Variants in RSPH14 observed in about 807,000 individuals in gnomAD.
The protein encoded by RSPH14 is radial spoke head 14 homolog.
Under a neutral mutation model 26.7 loss-of-function variants are expected in RSPH14, and 20 were observed. That is an observed-to-expected ratio of 0.75 (90% CI 0.53 to 1.09). The LOEUF (loss-of-function observed/expected upper bound fraction) is 1.09, where lower values mean the gene tolerates loss of function less well. Ranked by LOEUF, RSPH14 falls within the 50% of genes least tolerant of loss-of-function variation. RSPH14 has a pLI of 0.00. For synonymous variants in RSPH14, 177 were observed against 189.3 expected (o/e 0.93, Z 0.53); for missense variants, 449 against 457.2 (o/e 0.98, Z 0.16).
rs763721087 is a variant in RSPH14, at chr22:23,059,430, C to A, written c.*32G>T. 7.1e-6 allele frequency: 11 copies of A among 1,556,956 alleles called. No homozygotes were observed. Among genetic ancestry groups the A allele is most frequent in the Non-Finnish European group, 9.6e-6 (11 of 1,147,214 alleles). On this transcript the variant is annotated 3_prime_UTR_variant, in exon 7 of 7. Coordinates refer to ENST00000216036, the MANE Select transcript of RSPH14 (RefSeq NM_014433.3). ...GGACCCGAGATAAAGAGACTTAGCA[C>A]ATTTATTCACTCACAGAGGTGAATG...
chr22:23,167,661 G>A, the RSPH14 span, among the ~76,000 whole-genome samples: 10 of 152,180 alleles, frequency 6.6e-5, no homozygotes, highest in Admixed American at 2.0e-4. Flanking sequence ...ACAGAGGATC[G>A]GTTAAATTGA....
chr22:23,121,578 C>T (rs374283495), intron 4 of RSPH14, among the ~76,000 whole-genome samples: 13 of 152,160 alleles, frequency 8.5e-5, no homozygotes, highest in Non-Finnish European at 1.5e-4. Flanking sequence ...ACTGGCAGCT[C>T]GTGTCCAGCT....
At chr22:23,065,062 C>A (rs1296066841) in intron 4 of RSPH14, among the ~76,000 whole-genome samples, 2 of 152,196 alleles carry the variant, frequency 1.3e-5, no homozygotes, top group African/African-American at 2.4e-5. Context: ...CATCTACAGC[C>A]CCCAGGGAGG....
At chr22:23,118,735 G>C (rs1290367816) in intron 4 of RSPH14, among the ~76,000 whole-genome samples, 1 of 152,212 alleles carries the variant, frequency 6.6e-6, no homozygotes, top group Non-Finnish European at 1.5e-5. Flanking sequence ...GGACAAGGGG[G>C]TGATGCACTA....
At chr22:23,131,526 G>A (rs2070359646) in intron 4 of RSPH14, 1 of 917,174 alleles carries the variant, frequency 1.1e-6, no homozygotes, top group Non-Finnish European at 1.5e-6. Flanking sequence ...GCTGGCTGGT[G>A]GTATCCAATG....
chr22:23,064,007 G>C lies in RSPH14; in HGVS notation c.548C>G (p.Ala183Gly), dbSNP rs1260802855. ...DTLVLCLQED[A>G]TEALGSNVVL... ...CACATTGCTGCCCAGGGCCTCGGTG[G>C]CATCCTCCTGCAGGCAGAGGACCAG... The change falls in exon 5 of 7, where the codon GCC (alanine) becomes GGC (glycine). Residue 183 changes from alanine to glycine, a missense_variant. Coordinates refer to ENST00000216036, the MANE Select transcript of RSPH14 (RefSeq NM_014433.3). 3.7e-6 allele frequency: 6 copies of C among 1,614,074 alleles called. No individual in the cohort carries two copies. Among genetic ancestry groups the C allele is most frequent in the Non-Finnish European group, 5.1e-6 (6 of 1,180,020 alleles).
chr22:23,133,726 A>G (rs1188653815), intron 4 of RSPH14, among the ~76,000 whole-genome samples: 1 of 152,076 alleles, frequency 6.6e-6, no homozygotes, highest in Non-Finnish European at 1.5e-5. Flanking sequence ...AGTAGCTGGG[A>G]TTACAGGTGC....
rs577436146 is a variant in RSPH14, at chr22:23,141,943, C to A, written c.-53+6G>T. 2 of 985,330 alleles carry A rather than the reference C, an allele frequency of 2.0e-6. No individual in the cohort carries two copies. The highest frequency in any genetic ancestry group is 2.4e-6 in the Non-Finnish European group (2 of 829,778). The allele number at this position is 985,330 out of a possible 1,614,324, so 61.0% of individuals were successfully genotyped here. ...CCGGGCCCCTAGCCCACCACCGCCG[C>A]CTCACCTGCCTCCGCAGCCCTTTCT... is the stretch of plus-strand genomic sequence containing the variant. On this transcript the variant is annotated splice_donor_region_variant and intron_variant, in intron 1 of 6. Coordinates refer to ENST00000216036, the MANE Select transcript of RSPH14 (RefSeq NM_014433.3).
At chr22:23,106,175 A>C (rs1435549528) in intron 4 of RSPH14, among the ~76,000 whole-genome samples, 1 of 152,234 alleles carries the variant, frequency 6.6e-6, no homozygotes, top group Non-Finnish European at 1.5e-5. Context: ...ACCCTTGGGA[A>C]TACAGAGGCT....
At position 23,117,228 on chromosome 22, in the gene RSPH14, T is replaced by C. The variant is rs144576197; in HGVS notation, c.421+16798A>G. ...ACAGAGGGACCGGCTGTAAGGAGAC[T>C]GGCCTGATGGGGAATGAGAGGGGCT... On this transcript the variant is annotated intron_variant, in intron 4 of 6. Coordinates refer to ENST00000216036, the MANE Select transcript of RSPH14 (RefSeq NM_014433.3). 8.4e-4 allele frequency among the ~76,000 whole-genome samples: 107 copies of C among 127,550 alleles called. 3 individuals carry two copies. In the East Asian group the frequency reaches 0.021, roughly 25 times the overall value. The allele number at this position is 127,550 out of a possible 152,430, so 83.7% of individuals were successfully genotyped here. A position where few individuals can be genotyped will look rare whatever the true frequency, so the allele number is the denominator to read the frequency against.
chr22:23,162,545 C>G, the RSPH14 span: 16 of 435,352 alleles, frequency 3.7e-5, no homozygotes, highest in Non-Finnish European at 7.5e-5. Context: ...TAGCATGTTC[C>G]TGTCTCCAAC....
chr22:23,110,405 C>T (rs2069611643), intron 4 of RSPH14, among the ~76,000 whole-genome samples: 2 of 152,226 alleles, frequency 1.3e-5, no homozygotes, highest in African/African-American at 4.8e-5. Flanking sequence ...CTGGGGCCCT[C>T]CCACCAGGAG....
chr22:23,152,882 T>G, the RSPH14 span: 1 of 652,120 alleles, frequency 1.5e-6, no homozygotes, highest in Non-Finnish European at 2.7e-6. Context: ...TTGTCCTTGC[T>G]GGCTGCCCTG....
chr22:23,095,504 A>G (rs1015803631), intron 4 of RSPH14: 38 of 633,086 alleles, frequency 6.0e-5, no homozygotes, highest in Non-Finnish European at 1.0e-4. Context: ...CGCCCGCTGC[A>G]CAGAGCGCCA....
At chr22:23,061,724 A>G in intron 6 of RSPH14, 85 bp downstream of exon 6, 1 of 1,526,296 alleles carries the variant, frequency 6.6e-7, no homozygotes, top group South Asian at 1.1e-5. Context: ...TTGGGGGACG[A>G]TACCCAGCCC....
chr22:23,128,243 C>T (rs1035057413), intron 4 of RSPH14, among the ~76,000 whole-genome samples: 1 of 152,210 alleles, frequency 6.6e-6, no homozygotes, highest in African/African-American at 2.4e-5. Flanking sequence ...AAAATGAAAC[C>T]TGTTTTCTCA....
At chr22:23,090,829 C>T (rs1208886432) in intron 4 of RSPH14, among the ~76,000 whole-genome samples, 1 of 152,190 alleles carries the variant, frequency 6.6e-6, no homozygotes, top group South Asian at 2.1e-4. Context: ...TATTTACTGC[C>T]TGTAGTCTGA....
upstream of RSPH14, among the ~76,000 whole-genome samples, chr22:23,144,454 T>C (rs2070674582): frequency 6.6e-6 from 1 of 152,166 alleles, no homozygotes; most frequent in Non-Finnish European, 1.5e-5. Context: ...TTGAAATAGA[T>C]AGTTGCGTTT....
chr22:23,145,037 T>C, upstream of RSPH14: 1 of 357,472 alleles, frequency 2.8e-6, no homozygotes, highest in Non-Finnish European at 5.2e-6. Flanking sequence ...TTCAGAACTA[T>C]GCAGACTAAG....
Sources: gnomAD v4.1 joint callset for allele counts (sites outside exome capture counted in the v4.1 genomes callset) on GRCh38, gnomAD v4.1.1 for gene constraint, MANE v1.5 for transcripts, NCBI Gene and HGNC (gene_info 2026-07-23, HGNC 2026-07-21) for gene names.